Variants in EPHB1 observed in about 807,000 individuals in gnomAD.
EPHB1 encodes the protein EPH receptor B1, also known as ephrin type-B receptor 1.
In EPHB1, 30 loss-of-function variants were observed where a neutral mutation model predicts 94.4. The ratio of observed to expected loss-of-function variants is 0.32; its 90% CI spans 0.24 to 0.43. The LOEUF is 0.43. Ranked by LOEUF, EPHB1 falls within the 20% of genes least tolerant of loss-of-function variation. EPHB1 has a pLI of 1.00. For synonymous variants in EPHB1, 522 were observed against 489.1 expected (o/e 1.07, Z -0.89); for missense variants, 1,055 against 1,308.3 (o/e 0.81, Z 2.99).
At chr3:135,148,124 A>C (rs922521439) in intron 5 of EPHB1, among the ~76,000 whole-genome samples, 5 of 152,336 alleles carry the variant, frequency 3.3e-5, no homozygotes, top group African/African-American at 1.2e-4. Context: ...AAGTATTTTT[A>C]ATAAGCATTG....
chr3:134,903,845 C>T (rs2038258638), intron 1 of EPHB1, among the ~76,000 whole-genome samples: 1 of 152,208 alleles, frequency 6.6e-6, no homozygotes, highest in African/African-American at 2.4e-5. Flanking sequence ...AATTCTGGGT[C>T]CCAGTGAATC....
intron 1 of EPHB1, among the ~76,000 whole-genome samples, chr3:134,894,684 A>T (rs1446950778): frequency 6.6e-6 from 1 of 152,224 alleles, no homozygotes; most frequent in Non-Finnish European, 1.5e-5. Context: ...CTCAGTACCC[A>T]GACTCTCTGC....
rs58579496 is a variant in EPHB1, at chr3:135,010,558, G to GTTT, written c.805+58527_805+58529dup. ...GCCCTGAGGGTCTGTATTTTTTTCTGTTTTTTTTTTTTTTTTTTTTTTTAC... is the reference window on the plus strand; with the variant it reads ...GCCCTGAGGGTCTGTATTTTTTTCTGTTTTTTTTTTTTTTTTTTTTTTTTTTAC... On this transcript the variant is annotated intron_variant, in intron 3 of 15. Transcript: ENST00000398015. Among the ~76,000 whole-genome samples the GTTT allele has an allele frequency of 1.1e-4, 12 of 110,376 alleles. No homozygotes were observed. The South Asian group carries it at 1.3e-3, about 12-fold the overall frequency. 72.4% of individuals were successfully genotyped at this position (110,376 alleles called of 152,430 possible). A position where few individuals can be genotyped will look rare whatever the true frequency, so the allele number is the denominator to read the frequency against.
intron 3 of EPHB1, among the ~76,000 whole-genome samples, chr3:135,016,542 G>T (rs1248993442): frequency 6.6e-6 from 1 of 152,222 alleles, no homozygotes; most frequent in Admixed American, 6.5e-5. Context: ...GCACAGAGCT[G>T]GTTGCAGTGC....
intron 11 of EPHB1, among the ~76,000 whole-genome samples, chr3:135,196,940 A>C (rs541828076): frequency 3.9e-5 from 6 of 152,170 alleles, no homozygotes; most frequent in Admixed American, 3.3e-4. Context: ...AAGGGATTCA[A>C]CCTGGTGGCT....
At chr3:134,897,879 A>G (rs754452525) in intron 1 of EPHB1, among the ~76,000 whole-genome samples, 1 of 152,170 alleles carries the variant, frequency 6.6e-6, no homozygotes, top group Non-Finnish European at 1.5e-5. Context: ...GCTGCGACAA[A>G]GGGTGGAGGT....
chr3:135,050,188 A>C (rs1937128182), intron 3 of EPHB1, among the ~76,000 whole-genome samples: 1 of 152,194 alleles, frequency 6.6e-6, no homozygotes, highest in African/African-American at 2.4e-5. Flanking sequence ...TGGCCGATTG[A>C]GGGGATCTTC....
intron 4 of EPHB1, among the ~76,000 whole-genome samples, chr3:135,114,453 G>A (rs1361038808): frequency 7.2e-6 from 1 of 138,476 alleles, no homozygotes; most frequent in Non-Finnish European, 1.5e-5. Context: ...TGTAATCCCA[G>A]CACTTTGGGA....
At chr3:135,041,507 G>T (rs939860984) in intron 3 of EPHB1, among the ~76,000 whole-genome samples, 2 of 152,180 alleles carry the variant, frequency 1.3e-5, no homozygotes, top group East Asian at 3.8e-4. Flanking sequence ...GCCCTGAGCA[G>T]GTTCACCCCT....
intron 1 of EPHB1, among the ~76,000 whole-genome samples, chr3:134,811,884 A>G (rs537269944): frequency 1.1e-3 from 174 of 152,288 alleles, no homozygotes; most frequent in African/African-American, 3.5e-3. Context: ...GAGGCCCCCT[A>G]TTGAGCAGGT....
intron 12 of EPHB1, among the ~76,000 whole-genome samples, chr3:135,223,064 G>T (rs1559880925): frequency 6.6e-6 from 1 of 152,188 alleles, no homozygotes; most frequent in African/African-American, 2.4e-5. Flanking sequence ...CAGAAATCAT[G>T]TACTACACTT....
At chr3:135,099,334 C>T (rs62270183) in intron 3 of EPHB1, among the ~76,000 whole-genome samples, 2 of 17,038 alleles carry the variant, frequency 1.2e-4, no homozygotes, top group South Asian at 3.2e-3. Context: ...GATGGATGGA[C>T]GGATGGATGG....
At chr3:134,979,608 C>T (rs1934329683) in intron 3 of EPHB1, among the ~76,000 whole-genome samples, 1 of 152,046 alleles carries the variant, frequency 6.6e-6, no homozygotes, top group African/African-American at 2.4e-5. Flanking sequence ...CCCCAACTTA[C>T]AATGGTTCAA....
intron 15 of EPHB1, among the ~76,000 whole-genome samples, chr3:135,251,765 G>A (rs962068372): frequency 2.6e-5 from 4 of 152,238 alleles, no homozygotes; most frequent in Non-Finnish European, 5.9e-5. Context: ...GGAGAGCCAA[G>A]GCATTGTGGA....
rs767725322 is a variant in EPHB1, at chr3:135,132,772, G to A, written c.1020G>A (p.Leu340=). ...TCGTCAATGAGACGTCCATCATTCT[G>A]GAGTGGCACCCTCCAAGGGAGACAG... ...ISIVNETSII[L]EWHPPRETGG... Residue 340 remains leucine (L), a synonymous_variant, in exon 5 of 16, where the codon CTG becomes CTA. Coordinates refer to ENST00000398015, the MANE Select transcript of EPHB1 (RefSeq NM_004441.5). 1 of 1,613,118 alleles carries A rather than the reference G, an allele frequency of 6.2e-7. No homozygotes were observed. The highest frequency in any genetic ancestry group is 8.5e-7 in the Non-Finnish European group (1 of 1,179,214).
At chr3:134,949,340 A>G (rs1177145121) in intron 2 of EPHB1, among the ~76,000 whole-genome samples, 1 of 152,156 alleles carries the variant, frequency 6.6e-6, no homozygotes, top group African/African-American at 2.4e-5. Context: ...AGGCCCAGAC[A>G]GAAGGAGTGA....
chr3:134,911,104 C>T (rs536855988), intron 1 of EPHB1, among the ~76,000 whole-genome samples: 1 of 152,346 alleles, frequency 6.6e-6, no homozygotes, highest in South Asian at 2.1e-4. Flanking sequence ...CAGACTTCCA[C>T]CTTGCATCCT....
intron 4 of EPHB1, among the ~76,000 whole-genome samples, chr3:135,123,438 T>C (rs1475593607): frequency 6.6e-6 from 1 of 152,154 alleles, no homozygotes; most frequent in African/African-American, 2.4e-5. Flanking sequence ...CAAAGACAAT[T>C]CAAGGGCAAG....
chr3:134,955,214 G>T (rs1933219354), intron 3 of EPHB1, among the ~76,000 whole-genome samples: 1 of 47,732 alleles, frequency 2.1e-5, no homozygotes, highest in Non-Finnish European at 3.9e-5. Flanking sequence ...CCACTAACGT[G>T]TCATCTAGCA....
Sources: gnomAD v4.1 joint callset for allele counts (sites outside exome capture counted in the v4.1 genomes callset) on GRCh38, gnomAD v4.1.1 for gene constraint, MANE v1.5 for transcripts, NCBI Gene and HGNC (gene_info 2026-07-23, HGNC 2026-07-21) for gene names.